The following CALN1 variants were observed in gnomAD, a reference collection of about 807,000 sequenced individuals.
The protein encoded by CALN1 is calcium-binding protein 8.
A neutral mutation model predicts 30.6 loss-of-function variants in CALN1; 17 were observed. That is an observed-to-expected ratio of 0.56 (90% CI 0.38 to 0.83). The LOEUF (loss-of-function observed/expected upper bound fraction) is 0.83, where lower values mean the gene tolerates loss of function less well. CALN1 is among the 40% of genes least tolerant of loss of function. The pLI is 0.00. For missense variants in CALN1, 291 were observed against 354.9 expected, an observed-to-expected ratio of 0.82 and a Z score of 1.45; for synonymous variants, 156 against 131.4, an observed-to-expected ratio of 1.19 and a Z score of -1.28.
chr7:71,911,061 C>T (rs2117000570), intron 5 of CALN1, among the ~76,000 whole-genome samples: 1 of 152,236 alleles, frequency 6.6e-6, no homozygotes, highest in South Asian at 2.1e-4. Context: ...CTTCAACAAA[C>T]CCCCAAATTC....
chr7:72,168,102 AG>A (rs1284104631), intron 3 of CALN1, among the ~76,000 whole-genome samples: 1 of 152,242 alleles, frequency 6.6e-6, no homozygotes, highest in Admixed American at 6.5e-5. Flanking sequence ...TAACTGACTC[AG>A]GGATACAGTG....
chr7:71,915,396 G>C (rs73364128), intron 5 of CALN1, among the ~76,000 whole-genome samples: 2,268 of 152,232 alleles, frequency 0.015, 51 homozygotes, highest in African/African-American at 0.05. Context: ...CAAATGTCTA[G>C]GAATGAAGAC....
At chr7:72,262,426 T>C (rs1322672125) in intron 3 of CALN1, among the ~76,000 whole-genome samples, 1 of 152,064 alleles carries the variant, frequency 6.6e-6, no homozygotes, top group Admixed American at 6.6e-5. Flanking sequence ...ATGCTGAGGT[T>C]TGGGCTTTGA....
chr7:71,938,691 A>G (rs2129521885), intron 5 of CALN1, among the ~76,000 whole-genome samples: 1 of 152,196 alleles, frequency 6.6e-6, no homozygotes. Context: ...GCTACTCGGG[A>G]GCCTGAGGCA....
chr7:72,429,244 A>T (rs1454985903), intron 1 of CALN1, among the ~76,000 whole-genome samples: 1 of 152,230 alleles, frequency 6.6e-6, no homozygotes, highest in Non-Finnish European at 1.5e-5. Flanking sequence ...TCAAGGTCCT[A>T]AAAGAAAATA....
chr7:72,067,606 T>C (rs544009747), intron 4 of CALN1, among the ~76,000 whole-genome samples: 1 of 152,272 alleles, frequency 6.6e-6, no homozygotes, highest in South Asian at 2.1e-4. Flanking sequence ...GAAAGCAGTA[T>C]CTTATAAAGA....
Position 72,049,388 on chromosome 7 carries a change from A to C in CALN1, c.389-25619T>G, listed in dbSNP as rs546868736. ...TTTTTTTGGAGCTAAGAAAGGGAAG[A>C]CTTTCATGTGCTATCAATCACTAGC... is the stretch of plus-strand genomic sequence containing the variant. On this transcript the variant is annotated intron_variant, in intron 4 of 6. Transcript: ENST00000395275. Among the ~76,000 whole-genome samples, 541 of 152,328 alleles carry C rather than the reference A, an allele frequency of 3.6e-3. 4 individuals are homozygous for C. Among genetic ancestry groups the C allele is most frequent in the African/African-American group, 0.013 (526 of 41,572 alleles).
intron 5 of CALN1, among the ~76,000 whole-genome samples, chr7:72,021,616 T>C (rs1800713247): frequency 6.6e-6 from 1 of 152,164 alleles, no homozygotes; most frequent in Admixed American, 6.5e-5. Context: ...GGCGTTTTCC[T>C]GTCAGCAGTG....
Position 71,846,235 on chromosome 7 carries a change from G to A in CALN1, c.502-35743C>T, listed in dbSNP as rs1043773515. 7.9e-5 allele frequency among the ~76,000 whole-genome samples: 12 copies of A among 152,236 alleles called. 1 individual carries two copies. The highest frequency in any genetic ancestry group is 2.6e-4 in the African/African-American group (11 of 41,548). On this transcript the variant is annotated intron_variant, in intron 5 of 6. Transcript: ENST00000395275. ...CACTTCTCATTGAATATATATTGATGCCAAAGTTTGGGAAAGCTGAAACCC... is the reference window on the plus strand; with the variant it reads ...CACTTCTCATTGAATATATATTGATACCAAAGTTTGGGAAAGCTGAAACCC...
At chr7:71,857,887 G>A (rs540186562) in intron 5 of CALN1, among the ~76,000 whole-genome samples, 27 of 152,124 alleles carry the variant, frequency 1.8e-4, no homozygotes, top group Non-Finnish European at 3.8e-4. Context: ...GCCACATCAC[G>A]TTCCTGGGAA....
intron 2 of CALN1, among the ~76,000 whole-genome samples, chr7:72,401,137 T>C (rs1182590959): frequency 1.3e-5 from 2 of 152,178 alleles, no homozygotes; most frequent in Non-Finnish European, 2.9e-5. Context: ...GGGGACTGCA[T>C]TCTCTTCTAC....
intron 3 of CALN1, among the ~76,000 whole-genome samples, chr7:72,230,569 G>A (rs1223007621): frequency 6.6e-6 from 1 of 151,934 alleles, no homozygotes; most frequent in Non-Finnish European, 1.5e-5. Flanking sequence ...ATCTGAAGAT[G>A]CTCCACTGCT....
intron 5 of CALN1, among the ~76,000 whole-genome samples, chr7:71,896,195 G>A (rs1793521903): frequency 6.6e-6 from 1 of 152,160 alleles, no homozygotes; most frequent in African/African-American, 2.4e-5. Flanking sequence ...GCCCAGATGA[G>A]GAGGGACGTG....
chr7:72,286,578 C>T (rs1798093580), intron 2 of CALN1, among the ~76,000 whole-genome samples: 1 of 152,222 alleles, frequency 6.6e-6, no homozygotes, highest in Non-Finnish European at 1.5e-5. Context: ...ACAAGAAGAT[C>T]TCATCTTACT....
At chr7:72,404,624 G>A (rs545334400) in intron 1 of CALN1, among the ~76,000 whole-genome samples, 38 of 152,208 alleles carry the variant, frequency 2.5e-4, no homozygotes, top group African/African-American at 7.0e-4. Context: ...CTCACTACTT[G>A]GCCCCTGAAC....
chr7:72,193,172 A>G (rs1790748186), intron 3 of CALN1, among the ~76,000 whole-genome samples: 1 of 146,824 alleles, frequency 6.8e-6, no homozygotes, highest in African/African-American at 2.5e-5. Context: ...TGGGTGACAG[A>G]GTGAGACTCC....
intron 5 of CALN1, among the ~76,000 whole-genome samples, chr7:71,891,949 T>C (rs527411433): frequency 0.042 from 5,539 of 133,340 alleles, 358 homozygotes; most frequent in African/African-American, 0.15. Context: ...GTCTCAAAAA[T>C]AAATAAATAA....
At chr7:71,877,877 T>G (rs1792340966) in intron 5 of CALN1, among the ~76,000 whole-genome samples, 1 of 152,140 alleles carries the variant, frequency 6.6e-6, no homozygotes. Context: ...TTTATGACAG[T>G]CAATATACAA....
Position 71,784,546 on chromosome 7 carries a change from C to A in CALN1, c.*3229G>T, listed in dbSNP as rs141078404. Reference sequence around the variant, plus strand: ...TTTGTGGGTATCTGGAAAGGTGGGGCGCAGCTTCTTTGGGGATCAAGGGGG... The same window carrying A: ...TTTGTGGGTATCTGGAAAGGTGGGGAGCAGCTTCTTTGGGGATCAAGGGGG... On this transcript the variant is annotated 3_prime_UTR_variant, in exon 7 of 7. Transcript: ENST00000395275. 4 of 333,198 alleles carry A rather than the reference C, an allele frequency of 1.2e-5. No homozygotes were observed. Among genetic ancestry groups the A allele is most frequent in the Non-Finnish European group, 1.6e-5 (3 of 185,428 alleles). The allele number at this position is 333,198 out of a possible 1,614,324, so 20.6% of individuals were successfully genotyped here. A position where few individuals can be genotyped will look rare whatever the true frequency, so the allele number is the denominator to read the frequency against.
Sources: allele counts gnomAD v4.1 joint callset (sites outside exome capture counted in the v4.1 genomes callset), GRCh38; gene constraint gnomAD v4.1.1; transcripts MANE v1.5; gene names NCBI Gene and HGNC (gene_info 2026-07-23, HGNC 2026-07-21).